EXOSC2: variants seen among roughly 807,000 people sequenced by gnomAD.
EXOSC2 encodes exosome complex component RRP4.
EXOSC2 carries 29 observed loss-of-function variants against 37.6 expected under a neutral mutation model. The observed-to-expected ratio is 0.77, with a 90% confidence interval of 0.57 to 1.05. EXOSC2 has a LOEUF of 1.05. Ranked by LOEUF, EXOSC2 falls within the 50% of genes least tolerant of loss-of-function variation. EXOSC2 has a pLI of 0.00. For missense variants in EXOSC2, 346 were observed against 365.6 expected, an observed-to-expected ratio of 0.95 and a Z score of 0.44; for synonymous variants, 119 against 131.1, an observed-to-expected ratio of 0.91 and a Z score of 0.63.
Position 130,703,831 on chromosome 9 carries a change from G to A in EXOSC2, c.*57G>A. 3.6e-6 allele frequency: 5 copies of A among 1,401,664 alleles called. No homozygotes were observed. The highest frequency in any genetic ancestry group is 5.0e-6 in the Non-Finnish European group (5 of 1,001,868). The allele number at this position is 1,401,664 out of a possible 1,614,324, so 86.8% of individuals were successfully genotyped here. On this transcript the variant is annotated 3_prime_UTR_variant, in exon 9 of 9. Coordinates refer to ENST00000372358, the MANE Select transcript of EXOSC2 (RefSeq NM_014285.7). The stretch of plus-strand genomic sequence containing the variant: ...CTTGCAGGAGTGAAGACTGTGATGT[G>A]TGGTCCCCATATGTGGCTCAGCAAA...
intron 1 of EXOSC2, 77 bp from the exon 2 acceptor site, chr9:130,695,415 A>C: frequency 7.9e-7 from 1 of 1,262,336 alleles, no homozygotes; most frequent in South Asian, 1.2e-5. Context: ...GCTTTGAGGA[A>C]CACGTTGTTC....
rs149753702 is a variant in EXOSC2, at chr9:130,696,941, T to G, written c.225-641T>G. ...GAGGGGGCTGCGGGAAAGCTTAGTT[T>G]TGTGCTTGATACATTTGAAAATGCC... is the stretch of plus-strand genomic sequence containing the variant. On this transcript the variant is annotated intron_variant, in intron 2 of 8. Transcript: ENST00000372358. Among the ~76,000 whole-genome samples the G allele has an allele frequency of 1.2e-4, 18 of 152,246 alleles. No homozygotes were observed. In the East Asian group the frequency reaches 3.5e-3, roughly 29 times the overall value.
Position 130,693,896 on chromosome 9 carries a change from G to A in EXOSC2, c.105G>A (p.Thr35=). 6.2e-7 allele frequency: 1 copy of A among 1,610,504 alleles called. No individual in the cohort carries two copies. Among genetic ancestry groups the A allele is most frequent in the Non-Finnish European group, 8.5e-7 (1 of 1,177,482 alleles). ...HLVVPGDTIT[T]DTGFMRGHGT... is the part of the protein sequence containing the mutation. The stretch of plus-strand genomic sequence containing the variant: ...TGGTGCCGGGGGATACAATCACTAC[G>A]GACACAGGATTCATGCGGTACGTGG... The change falls in exon 1 of 9, where the codon ACG becomes ACA. Residue 35 remains threonine, a synonymous_variant. Coordinates refer to ENST00000372358, the MANE Select transcript of EXOSC2 (RefSeq NM_014285.7).
chr9:130,702,380 G>C (rs75302950), intron 7 of EXOSC2, 70 bp downstream of exon 7: 81,218 of 1,397,696 alleles, frequency 0.058, 2,805 homozygotes, highest in Non-Finnish European at 0.067. Context: ...TTTGTGGCCA[G>C]TGAAGTTGGT....
chr9:130,699,342 C>T lies in EXOSC2; in HGVS notation c.374C>T (p.Ala125Val), dbSNP rs755305419. The T allele has an allele frequency of 2.0e-5, 33 of 1,614,068 alleles. 1 individual carries two copies. The South Asian group carries it at 2.5e-4, about 12-fold the overall frequency. Residue 125 changes from alanine to valine, a missense_variant, in exon 5 of 9, where the codon GCA (alanine) becomes GTA (valine). By Grantham distance (64) the Ala-to-Val change is moderately conservative. Transcript: ENST00000372358. ...TGTGTATTTCAGAGGAGAAGATCTG[C>T]AGAAGATGAGCTTGCAATGAGAGGT... Reference protein sequence around the residue: ...LPGGELRRRSAEDELAMRGFL... With the variant: ...LPGGELRRRSVEDELAMRGFL...
intron 4 of EXOSC2, 133 bp from the exon 5 acceptor site, chr9:130,699,196 C>CT: frequency 1.1e-6 from 1 of 881,938 alleles, no homozygotes; most frequent in Non-Finnish European, 1.9e-6. Context: ...CTTGGGTTAC[C>CT]TACTCTTGCT....
At chr9:130,700,348 TA>T (rs1831187384) in intron 5 of EXOSC2, among the ~76,000 whole-genome samples, 1 of 148,320 alleles carries the variant, frequency 6.7e-6, no homozygotes, top group African/African-American at 2.5e-5. Context: ...TTTATTTATT[TA>T]TTTATTTATT....
chr9:130,698,328 GGACTTTGAT>G lies in EXOSC2; in HGVS notation c.360+78_360+86del. The G allele has an allele frequency of 7.3e-7, 1 of 1,377,758 alleles. No individual in the cohort carries two copies. Among genetic ancestry groups the G allele is most frequent in the South Asian group, 1.2e-5 (1 of 84,532 alleles). 85.3% of individuals were successfully genotyped at this position (1,377,758 alleles called of 1,614,324 possible). ...CCGTGGGACCCTTTGTTCCACCAGA[GGACTTTGAT>G]TTACACTGAGGTTGCCCCTTTGACT... On this transcript the variant is annotated intron_variant, in intron 4 of 8. Coordinates refer to ENST00000372358, the MANE Select transcript of EXOSC2 (RefSeq NM_014285.7). The surrounding 1 kb of genome is among the most constrained non-coding windows in gnomAD (Gnocchi z 4.1).
rs1032177386 is a variant in EXOSC2, at chr9:130,694,911, G to A, written c.123-581G>A. Among the ~76,000 whole-genome samples, 13 of 150,252 alleles carry A rather than the reference G, an allele frequency of 8.7e-5. No individual in the cohort carries two copies. Among genetic ancestry groups the A allele is most frequent in the African/African-American group, 3.2e-4 (13 of 40,740 alleles). ...TTTTTAGTAGAGACAGGGTTTCACT[G>A]TGTTGGCCAGGCTGGTCTCGATCCC... On this transcript the variant is annotated intron_variant, in intron 1 of 8. Transcript: ENST00000372358. The surrounding 1 kb of genome is among the most constrained non-coding windows in gnomAD (Gnocchi z 4.0).
At chr9:130,700,827 T>C in intron 5 of EXOSC2, 40 bp from the exon 6 acceptor site, 2 of 1,604,978 alleles carry the variant, frequency 1.2e-6, no homozygotes, top group Non-Finnish European at 1.7e-6. Flanking sequence ...GGACAGTGTG[T>C]GGCCAAGGCT....
chr9:130,695,582 T>G lies in EXOSC2; in HGVS notation c.213T>G (p.Ala71=), dbSNP rs1221029106. 3.1e-6 allele frequency: 5 copies of G among 1,614,166 alleles called. No individual in the cohort carries two copies. Among genetic ancestry groups the G allele is most frequent in the Non-Finnish European group, 4.2e-6 (5 of 1,179,988 alleles). Residue 71 remains alanine (A), a synonymous_variant, in exon 2 of 9, where the codon GCT becomes GCG. Coordinates refer to ENST00000372358, the MANE Select transcript of EXOSC2 (RefSeq NM_014285.7). The part of the protein sequence containing the change: ...ERVNKLICVK[A]LKTRYIGEVG... ...TAAACAAGTTGATCTGTGTGAAAGC[T>G]TTGAAAACCAGGTGAGAACAAAAGG...
chr9:130,703,640 TG>T, intron 8 of EXOSC2, 53 bp from the exon 9 acceptor site: 2 of 1,370,078 alleles, frequency 1.5e-6, no homozygotes, highest in South Asian at 1.3e-5. Context: ...ATTGGCTTGG[TG>T]GTCTGTTTAT....
At chr9:130,700,346 T>TTTATTTAG in intron 5 of EXOSC2, among the ~76,000 whole-genome samples, 1 of 146,554 alleles carries the variant, frequency 6.8e-6, no homozygotes, top group East Asian at 2.0e-4. Flanking sequence ...TATTTATTTA[T>TTTATTTAG]TTATTTATTT....
intron 5 of EXOSC2, among the ~76,000 whole-genome samples, chr9:130,699,983 G>A (rs1831177446): frequency 6.6e-6 from 1 of 152,082 alleles, no homozygotes; most frequent in African/African-American, 2.4e-5. Context: ...TTCCAGCTTG[G>A]GTGACAGAAC....
chr9:130,699,310 AT>A lies in EXOSC2; in HGVS notation c.361-16del, dbSNP rs779816695. ...CTGAGGATCTGGCTTAAGTAATGTCATTTCTTTGTGTATTTCAGAGGAGAAG... is the reference window on the plus strand; with the variant it reads ...CTGAGGATCTGGCTTAAGTAATGTCATTCTTTGTGTATTTCAGAGGAGAAG... On this transcript the variant is annotated intron_variant, in intron 4 of 8. Coordinates refer to ENST00000372358, the MANE Select transcript of EXOSC2 (RefSeq NM_014285.7). The A allele has an allele frequency of 1.1e-5, 17 of 1,613,822 alleles. No individual in the cohort carries two copies. The African/African-American group carries it at 2.1e-4, about 20-fold the overall frequency.
At chr9:130,697,455 C>T in intron 2 of EXOSC2, 127 bp from the exon 3 acceptor site, 5 of 839,510 alleles carry the variant, frequency 6.0e-6, no homozygotes, top group Non-Finnish European at 8.1e-6. Context: ...AATATAGTTA[C>T]ATGAATTTGC....
chr9:130,703,290 T>G, intron 8 of EXOSC2, 109 bp downstream of exon 8: 2 of 1,294,400 alleles, frequency 1.5e-6, no homozygotes, highest in Non-Finnish European at 2.1e-6. Flanking sequence ...TCCGTCAGTA[T>G]GAACTGGCCT....
At chr9:130,699,566 A>C in intron 5 of EXOSC2, 172 bp downstream of exon 5, 1 of 663,698 alleles carries the variant, frequency 1.5e-6, no homozygotes, top group South Asian at 1.9e-5. Context: ...ATTCAGGCTG[A>C]CTCCCCAGCT....
At position 130,694,458 on chromosome 9, in the gene EXOSC2, A is replaced by C. The variant is rs1289187494; in HGVS notation, c.122+545A>C. Among the ~76,000 whole-genome samples, 6 of 152,130 alleles carry C rather than the reference A, an allele frequency of 3.9e-5. No homozygotes were observed. In the East Asian group the frequency reaches 1.2e-3, roughly 29 times the overall value. ...TTGGGGTTCCGGTCCTGCTACCATC[A>C]CATCTTATTAGCGGCATTGCCTCTC... On this transcript the variant is annotated intron_variant, in intron 1 of 8. Coordinates refer to ENST00000372358, the MANE Select transcript of EXOSC2 (RefSeq NM_014285.7). The surrounding 1 kb of genome is among the most constrained non-coding windows in gnomAD (Gnocchi z 4.0).
Sources: gnomAD v4.1 joint callset for allele counts (sites outside exome capture counted in the v4.1 genomes callset) on GRCh38, gnomAD v4.1.1 for gene constraint, Gnocchi (gnomAD v3.1) non-coding constraint, MANE v1.5 for transcripts, NCBI Gene and HGNC (gene_info 2026-07-23, HGNC 2026-07-21) for gene names.